CA10: variants seen among roughly 807,000 people sequenced by gnomAD.
The protein encoded by CA10 is carbonic anhydrase 10 (inactive), also known as carbonic anhydrase-related protein 10.
In CA10, 14 loss-of-function variants were observed where a neutral mutation model predicts 44.2. That is an observed-to-expected ratio of 0.32 (90% confidence interval 0.21 to 0.50). The LOEUF is 0.50. Ranked by LOEUF, CA10 falls within the 20% of genes least tolerant of loss-of-function variation. The pLI, the probability that CA10 is intolerant of heterozygous loss-of-function variation, is 0.99. For missense variants in CA10, 350 were observed against 409.7 expected, an observed-to-expected ratio of 0.85 and a Z score of 1.26; for synonymous variants, 159 against 141.6, an observed-to-expected ratio of 1.12 and a Z score of -0.87.
chr17:51,657,823 A>G (rs1195427621), intron 4 of CA10, among the ~76,000 whole-genome samples: 1 of 152,218 alleles, frequency 6.6e-6, no homozygotes, highest in Non-Finnish European at 1.5e-5. Context: ...CTAAGACTGC[A>G]GGGACAATGA....
intron 1 of CA10, among the ~76,000 whole-genome samples, chr17:52,139,968 C>T (rs1027042289): frequency 3.3e-4 from 50 of 152,224 alleles, no homozygotes; most frequent in African/African-American, 1.2e-3. Flanking sequence ...TGTTTTCAAA[C>T]ACCCCCACCA....
chr17:51,822,453 CAAACAAA>C (rs1189427698), intron 3 of CA10, among the ~76,000 whole-genome samples: 1 of 151,820 alleles, frequency 6.6e-6, no homozygotes, highest in Admixed American at 6.6e-5. Context: ...AACAAAAAAA[CAAACAAA>C]AAACAAAAAA....
At position 51,950,520 on chromosome 17, in the gene CA10, C is replaced by T. The variant is rs139724305; in HGVS notation, c.137-19388G>A. 3.1e-3 allele frequency among the ~76,000 whole-genome samples: 468 copies of T among 152,234 alleles called. 2 individuals are homozygous for T. The highest frequency in any genetic ancestry group is 9.8e-3 in the African/African-American group (407 of 41,550). The stretch of plus-strand genomic sequence containing the variant: ...TTGCAGGGCTATGGATGGGAAATGG[C>T]TGTTTTCCTCTCCCAAGGTCACACC... On this transcript the variant is annotated intron_variant, in intron 2 of 8. Transcript: ENST00000451037.
intron 3 of CA10, among the ~76,000 whole-genome samples, chr17:51,830,916 G>A (rs1908216033): frequency 6.6e-6 from 1 of 152,138 alleles, no homozygotes; most frequent in Admixed American, 6.5e-5. Context: ...TAGACCACAG[G>A]CCTGAACTTG....
intron 3 of CA10, among the ~76,000 whole-genome samples, chr17:51,862,643 AAAC>A (rs1275595781): frequency 1.6e-4 from 24 of 152,192 alleles, no homozygotes; most frequent in Admixed American, 1.6e-3. Context: ...TGAGTGGTTT[AAAC>A]AACAGAAATT....
chr17:52,038,634 T>C (rs1986683397), intron 2 of CA10, among the ~76,000 whole-genome samples: 1 of 152,142 alleles, frequency 6.6e-6, no homozygotes, highest in Non-Finnish European at 1.5e-5. Context: ...AGAAATCAGA[T>C]CTGTCTCATC....
chr17:51,957,275 C>T (rs1443605989), intron 2 of CA10, among the ~76,000 whole-genome samples: 2 of 152,250 alleles, frequency 1.3e-5, no homozygotes, highest in South Asian at 2.1e-4. Context: ...CATCTCACTT[C>T]CCACTGGTTC....
intron 1 of CA10, among the ~76,000 whole-genome samples, chr17:52,133,314 G>A (rs1176078777): frequency 6.6e-6 from 1 of 152,204 alleles, no homozygotes; most frequent in Non-Finnish European, 1.5e-5. Flanking sequence ...TCACACAGCA[G>A]GAGAGCCATA....
intron 4 of CA10, among the ~76,000 whole-genome samples, chr17:51,668,845 T>C (rs1366134219): frequency 1.3e-5 from 2 of 152,128 alleles, no homozygotes; most frequent in African/African-American, 4.8e-5. Context: ...GGGCGTGGGC[T>C]CAGCGCGCCC....
Position 51,895,552 on chromosome 17 carries a change from A to G in CA10, c.279+35438T>C, listed in dbSNP as rs139210371. Among the ~76,000 whole-genome samples, 17 of 152,258 alleles carry G rather than the reference A, an allele frequency of 1.1e-4. No homozygotes were observed. The East Asian group carries it at 3.3e-3, about 29-fold the overall frequency. ...ATAAAATGAGCAATGATATCAGTAAAACTTATAGTTAATACTAAGTAATGG... is the reference window on the plus strand; with the variant it reads ...ATAAAATGAGCAATGATATCAGTAAGACTTATAGTTAATACTAAGTAATGG... On this transcript the variant is annotated intron_variant, in intron 3 of 8. Coordinates refer to ENST00000451037, the MANE Select transcript of CA10 (RefSeq NM_020178.5).
At chr17:51,711,511 A>C (rs1475152939) in intron 4 of CA10, among the ~76,000 whole-genome samples, 1 of 152,190 alleles carries the variant, frequency 6.6e-6, no homozygotes, top group African/African-American at 2.4e-5. Context: ...GACACTAAAA[A>C]TTTGTAACTC....
intron 3 of CA10, among the ~76,000 whole-genome samples, chr17:51,824,017 A>C (rs1037567009): frequency 1.3e-5 from 2 of 152,144 alleles, no homozygotes; most frequent in African/African-American, 4.8e-5. Context: ...ATGATATTTC[A>C]TATTATTTTT....
In CA10 at chr17:52,079,118, C is replaced by G. The variant is rs1987895459; in HGVS notation, c.62-6725G>C. 1.3e-5 allele frequency among the ~76,000 whole-genome samples: 2 copies of G among 152,134 alleles called. 1 individual carries two copies. Among genetic ancestry groups the G allele is most frequent in the South Asian group, 4.1e-4 (2 of 4,822 alleles). On this transcript the variant is annotated intron_variant, in intron 1 of 8. Transcript: ENST00000451037. ...TGGCTCACACGGGGAAACCCCGTCT[C>G]TACTAAAAATATAAAAAATTAGCCG... is the stretch of plus-strand genomic sequence containing the variant.
At position 51,809,524 on chromosome 17, in the gene CA10, C is replaced by T. The variant is rs574905041; in HGVS notation, c.280-61706G>A. On this transcript the variant is annotated intron_variant, in intron 3 of 8. Transcript: ENST00000451037. ...AGAGCCAGGATTTAAATTAAGATCT[C>T]TTGGGCTTTACTAACATGCTCTTTG... 2.0e-5 allele frequency among the ~76,000 whole-genome samples: 3 copies of T among 152,310 alleles called. No homozygotes were observed. In the South Asian group the frequency reaches 6.2e-4, roughly 32 times the overall value.
rs1555589878 is a variant in CA10, at chr17:51,717,855, A to ATGTGTGTG, written c.465+29777_465+29778insCACACACA. On this transcript the variant is annotated intron_variant, in intron 4 of 8. Coordinates refer to ENST00000451037, the MANE Select transcript of CA10 (RefSeq NM_020178.5). Reference sequence around the variant, plus strand: ...TATATATATATATATATATATATATATATATATATATATACAGGATAGAAT... The same window carrying ATGTGTGTG: ...TATATATATATATATATATATATATATGTGTGTGTATATATATATATACAGGATAGAAT... Among the ~76,000 whole-genome samples the ATGTGTGTG allele has an allele frequency of 9.6e-5, 4 of 41,838 alleles. 1 individual carries two copies. Among genetic ancestry groups the ATGTGTGTG allele is most frequent in the African/African-American group, 2.5e-4 (4 of 16,174 alleles). The allele number at this position is 41,838 out of a possible 152,430, so 27.4% of individuals were successfully genotyped here. A position where few individuals can be genotyped will look rare whatever the true frequency, so the allele number is the denominator to read the frequency against.
Position 52,062,015 on chromosome 17 carries a change from T to C in CA10, c.136+10304A>G, listed in dbSNP as rs140801397. On this transcript the variant is annotated intron_variant, in intron 2 of 8. Transcript: ENST00000451037. ...TGAATTTCTGAGGGAGAAAACCTCA[T>C]AAATTCACTATATGCCGCAAAGCAA... Among the ~76,000 whole-genome samples the C allele has an allele frequency of 1.2e-3, 185 of 150,814 alleles. 5 individuals carry two copies. The South Asian group carries it at 0.023, about 19-fold the overall frequency.
intron 4 of CA10, among the ~76,000 whole-genome samples, chr17:51,703,134 G>A (rs1915653849): frequency 6.6e-6 from 1 of 152,134 alleles, no homozygotes; most frequent in African/African-American, 2.4e-5. Context: ...CTGGGGACTT[G>A]AATGAGGTCC....
intron 1 of CA10, among the ~76,000 whole-genome samples, chr17:52,156,972 G>A (rs1455616361): frequency 6.6e-6 from 1 of 152,148 alleles, no homozygotes; most frequent in African/African-American, 2.4e-5. Flanking sequence ...AACACACTCA[G>A]GCACAGGTGT....
chr17:52,020,677 CA>C (rs905062263), intron 2 of CA10, among the ~76,000 whole-genome samples: 1 of 151,954 alleles, frequency 6.6e-6, no homozygotes, highest in Admixed American at 6.6e-5. Flanking sequence ...ATTTTAGATT[CA>C]GGGGGTACAT....
Sources: allele counts gnomAD v4.1 joint callset (sites outside exome capture counted in the v4.1 genomes callset), GRCh38; gene constraint gnomAD v4.1.1; transcripts MANE v1.5; gene names NCBI Gene and HGNC (gene_info 2026-07-23, HGNC 2026-07-21).